CDC14A: variants seen among roughly 807,000 people sequenced by gnomAD.
The protein encoded by CDC14A is dual specificity protein phosphatase CDC14A.
Under a neutral mutation model 74.4 loss-of-function variants are expected in CDC14A, and 53 were observed. The observed-to-expected ratio is 0.71, with a 90% CI of 0.57 to 0.89. The LOEUF is 0.89. CDC14A is among the 40% of genes least tolerant of loss of function. The pLI is 0.00. For synonymous variants in CDC14A, 247 were observed against 258.4 expected (o/e 0.96, Z 0.43); for missense variants, 646 against 713.7 (o/e 0.91, Z 1.08).
intron 9 of CDC14A, among the ~76,000 whole-genome samples, chr1:100,466,865 G>A (rs1433472251): frequency 8.0e-5 from 10 of 125,548 alleles, no homozygotes; most frequent in East Asian, 2.3e-4. Context: ...AGCAAAACTC[G>A]GTCTCCAAAA....
chr1:100,390,669 C>A (rs1403559022), intron 3 of CDC14A, 63 bp from the exon 4 acceptor site: 6 of 1,011,566 alleles, frequency 5.9e-6, no homozygotes, highest in Non-Finnish European at 9.3e-6. Flanking sequence ...ATGATGTTTG[C>A]CTTCTGTATA....
upstream of CDC14A, chr1:100,351,958 T>C: frequency 1.4e-6 from 1 of 708,048 alleles, no homozygotes; most frequent in Non-Finnish European, 2.3e-6. Flanking sequence ...GGCACGGAGA[T>C]CTGAGGTTTT....
Position 100,420,063 on chromosome 1 carries a change from C to CACACATATATAT in CDC14A, c.310-4158_310-4157insCACATATATATA. Among the ~76,000 whole-genome samples the CACACATATATAT allele has an allele frequency of 9.4e-4, 58 of 61,590 alleles. 1 individual carries two copies. The highest frequency in any genetic ancestry group is 1.1e-3 in the Non-Finnish European group (30 of 26,154). 40.4% of individuals were successfully genotyped at this position (61,590 alleles called of 152,430 possible). A position where few individuals can be genotyped will look rare whatever the true frequency, so the allele number is the denominator to read the frequency against. On this transcript the variant is annotated intron_variant, in intron 4 of 15. Transcript: ENST00000336454. ...ACACACACACACACACACACACACA[C>CACACATATATAT]ATATATATATATATATATAGTGTGT...
intron 4 of CDC14A, among the ~76,000 whole-genome samples, chr1:100,395,590 A>G (rs935696401): frequency 3.3e-5 from 5 of 152,174 alleles, no homozygotes; most frequent in Middle Eastern, 6.3e-3. Flanking sequence ...CCACAGCTTT[A>G]TATGTTGTCT....
intron 3 of CDC14A, among the ~76,000 whole-genome samples, chr1:100,389,690 C>G (rs1657414230): frequency 6.6e-6 from 1 of 151,586 alleles, no homozygotes; most frequent in African/African-American, 2.4e-5. Flanking sequence ...CTCTATTTAC[C>G]TTTTTTAAAG....
intron 7 of CDC14A, 65 bp downstream of exon 7, chr1:100,443,061 C>A: frequency 1.9e-6 from 2 of 1,078,920 alleles, no homozygotes; most frequent in Non-Finnish European, 2.8e-6. Flanking sequence ...CCCCCTGTCA[C>A]ACTCATGTAT....
chr1:100,432,102 G>T (rs6679008), intron 5 of CDC14A, among the ~76,000 whole-genome samples: 6,499 of 151,868 alleles, frequency 0.043, 357 homozygotes, highest in East Asian at 0.21. Context: ...CTGTTTTTTT[G>T]TTGTTGTTGT....
At chr1:100,409,248 C>T (rs111882873) in intron 4 of CDC14A, among the ~76,000 whole-genome samples, 29 of 152,264 alleles carry the variant, frequency 1.9e-4, no homozygotes, top group African/African-American at 6.0e-4. Flanking sequence ...GAAAGACCTG[C>T]CCTCATGATT....
chr1:100,458,868 A>C (rs1489156598), intron 8 of CDC14A, among the ~76,000 whole-genome samples: 1 of 152,106 alleles, frequency 6.6e-6, no homozygotes, highest in Non-Finnish European at 1.5e-5. Context: ...AAGAGCCTTA[A>C]GTGTGTGTTT....
chr1:100,427,735 C>T (rs1663123377), intron 5 of CDC14A, among the ~76,000 whole-genome samples: 1 of 152,104 alleles, frequency 6.6e-6, no homozygotes, highest in Admixed American at 6.5e-5. Context: ...TGTGATAGTC[C>T]TATGGATCAA....
At chr1:100,345,260 A>C (rs1650315933) in intron 1 of CDC14A, 1 of 152,214 alleles carries the variant, frequency 6.6e-6, no homozygotes, top group South Asian at 2.1e-4. Context: ...AGTCGTATTC[A>C]TTTGAGACTT....
upstream of CDC14A, among the ~76,000 whole-genome samples, chr1:100,352,198 C>G (rs549887762): frequency 5.8e-3 from 884 of 152,324 alleles, 14 homozygotes; most frequent in African/African-American, 0.02. Context: ...CTCAACCCCG[C>G]CGTTTCATTC....
At chr1:100,464,907 ATTTCT>A (rs767646802) in intron 9 of CDC14A, among the ~76,000 whole-genome samples, 20 of 149,440 alleles carry the variant, frequency 1.3e-4, no homozygotes, top group Non-Finnish European at 1.6e-4. Context: ...TATATTGCAA[ATTTCT>A]TTTCTTTTCT....
chr1:100,463,269 C>T (rs891620561), intron 9 of CDC14A, among the ~76,000 whole-genome samples: 1 of 152,132 alleles, frequency 6.6e-6, no homozygotes, highest in African/African-American at 2.4e-5. Flanking sequence ...ATCTCTTCTC[C>T]ATCCTCTTGC....
intron 4 of CDC14A, among the ~76,000 whole-genome samples, chr1:100,421,171 G>C (rs1662320052): frequency 6.6e-6 from 1 of 152,088 alleles, no homozygotes; most frequent in African/African-American, 2.4e-5. Context: ...GAAAGTTCTG[G>C]TTTGGGTTTA....
chr1:100,477,422 G>T (rs747078812), intron 10 of CDC14A, among the ~76,000 whole-genome samples: 6 of 151,648 alleles, frequency 4.0e-5, no homozygotes, highest in Non-Finnish European at 7.4e-5. Flanking sequence ...TAGAGGAGTC[G>T]TGTGACTTAA....
intron 10 of CDC14A, chr1:100,481,043 C>G (rs1669417614): frequency 6.6e-6 from 1 of 152,288 alleles, no homozygotes. Context: ...CCCCCTGCAT[C>G]TTGGTTACTG....
chr1:100,462,556 T>G, intron 8 of CDC14A, 95 bp from the exon 9 acceptor site: 290 of 942,290 alleles, frequency 3.1e-4, no homozygotes, highest in Non-Finnish European at 4.3e-4. Context: ...CAAGCTTTGT[T>G]GAGATTTATA....
chr1:100,442,391 A>T (rs1261761656), intron 6 of CDC14A, among the ~76,000 whole-genome samples: 1 of 146,744 alleles, frequency 6.8e-6, no homozygotes, highest in African/African-American at 2.5e-5. Flanking sequence ...ACTATATATT[A>T]TATATAAATA....
Sources: gnomAD v4.1 joint callset for allele counts (sites outside exome capture counted in the v4.1 genomes callset) on GRCh38, gnomAD v4.1.1 for gene constraint, MANE v1.5 for transcripts, NCBI Gene and HGNC (gene_info 2026-07-23, HGNC 2026-07-21) for gene names.